The following OGFRL1 variants were observed in gnomAD, a reference collection of about 807,000 sequenced individuals.
OGFRL1 encodes opioid growth factor receptor-like protein 1.
A neutral mutation model predicts 32.4 loss-of-function variants in OGFRL1; 26 were observed. That is an observed-to-expected ratio of 0.80 (90% CI 0.59 to 1.11). The LOEUF is 1.11. Ranked by LOEUF, OGFRL1 falls within the 50% of genes most tolerant of loss-of-function variation. The pLI, the probability that OGFRL1 is intolerant of heterozygous loss-of-function variation, is 0.00. For missense variants in OGFRL1, 521 were observed against 546.4 expected (o/e 0.95, Z 0.46); for synonymous variants, 211 against 201.2 (o/e 1.05, Z -0.41).
intron 6 of OGFRL1, 107 bp from the exon 7 acceptor site, chr6:71,301,279 T>G (rs1766376169): frequency 1.0e-6 from 1 of 968,132 alleles, no homozygotes; most frequent in Non-Finnish European, 1.6e-6. Flanking sequence ...ACACAGCATA[T>G]TTCCATGGCT....
chr6:71,305,550 T>A lies in OGFRL1; in HGVS notation c.*3501T>A, dbSNP rs1188288293. ...TGGGACTACTTTTTTCCAGCTTCAA[T>A]GAGAAAATAAAATCTACAACTCAGG... On this transcript the variant is annotated 3_prime_UTR_variant, in exon 7 of 7. Coordinates refer to ENST00000370435, the MANE Select transcript of OGFRL1 (RefSeq NM_024576.5). The A allele has an allele frequency of 1.3e-5, 2 of 152,080 alleles. No homozygotes were observed. Among genetic ancestry groups the A allele is most frequent in the Admixed American group, 1.3e-4 (2 of 15,272 alleles). The allele number at this position is 152,080 out of a possible 1,614,324, so 9.4% of individuals were successfully genotyped here. A position where few individuals can be genotyped will look rare whatever the true frequency, so the allele number is the denominator to read the frequency against.
At position 71,307,928 on chromosome 6, in the gene OGFRL1, G is replaced by A. The variant is rs2149360085; in HGVS notation, c.*5879G>A. 1 of 152,332 alleles carries A rather than the reference G, an allele frequency of 6.6e-6. No individual in the cohort carries two copies. Among genetic ancestry groups the A allele is most frequent in the South Asian group, 2.1e-4 (1 of 4,834 alleles). 9.4% of individuals were successfully genotyped at this position (152,332 alleles called of 1,614,324 possible). A position where few individuals can be genotyped will look rare whatever the true frequency, so the allele number is the denominator to read the frequency against. On this transcript the variant is annotated 3_prime_UTR_variant, in exon 7 of 7. Transcript: ENST00000370435. ...GTTTGTGTAAGTGCCAGAATTATTG[G>A]AAGCAGGTGACGAATGATTAAGAAA...
In OGFRL1 at chr6:71,308,073, C is replaced by G. The variant is rs1402257789; in HGVS notation, c.*6024C>G. The G allele has an allele frequency of 2.6e-5, 4 of 152,234 alleles. No homozygotes were observed. The highest frequency in any genetic ancestry group is 4.8e-5 in the African/African-American group (2 of 41,448). The allele number at this position is 152,234 out of a possible 1,614,324, so 9.4% of individuals were successfully genotyped here. A position where few individuals can be genotyped will look rare whatever the true frequency, so the allele number is the denominator to read the frequency against. ...ATTTGAACCATGAATTCCACCTACT[C>G]TGCGTTGAAGCCCTCCAGTAGACTG... On this transcript the variant is annotated 3_prime_UTR_variant, in exon 7 of 7. Coordinates refer to ENST00000370435, the MANE Select transcript of OGFRL1 (RefSeq NM_024576.5).
intron 6 of OGFRL1, among the ~76,000 whole-genome samples, chr6:71,297,951 C>A (rs1766264937): frequency 8.4e-6 from 1 of 118,796 alleles, no homozygotes; most frequent in African/African-American, 3.0e-5. Context: ...TATCCCTCCC[C>A]CCTCCCCCCA....
At chr6:71,289,657 T>C (rs978571828) in intron 1 of OGFRL1, 1 of 981,866 alleles carries the variant, frequency 1.0e-6, no homozygotes, top group African/African-American at 1.8e-5. Flanking sequence ...CCGTCAGAAG[T>C]GTAGGCCCTC....
intron 6 of OGFRL1, among the ~76,000 whole-genome samples, chr6:71,299,685 T>A (rs1766324184): frequency 6.6e-6 from 1 of 152,310 alleles, no homozygotes; most frequent in African/African-American, 2.4e-5. Context: ...CAGTAAGTAT[T>A]TAGAGTATGC....
At chr6:71,298,511 C>A (rs1442013449) in intron 6 of OGFRL1, among the ~76,000 whole-genome samples, 1 of 151,996 alleles carries the variant, frequency 6.6e-6, no homozygotes, top group Non-Finnish European at 1.5e-5. Context: ...AGCTTAAATC[C>A]TCCTTGGAGT....
rs996339289 is a variant in OGFRL1, at chr6:71,307,263, C to T, written c.*5214C>T. 6.6e-6 allele frequency: 1 copy of T among 152,118 alleles called. No homozygotes were observed. The highest frequency in any genetic ancestry group is 2.4e-5 in the African/African-American group (1 of 41,406). The allele number at this position is 152,118 out of a possible 1,614,324, so 9.4% of individuals were successfully genotyped here. On this transcript the variant is annotated 3_prime_UTR_variant, in exon 7 of 7. Coordinates refer to ENST00000370435, the MANE Select transcript of OGFRL1 (RefSeq NM_024576.5). ...AGCCTTCTCCACTGGCATGATGGGTCCTCAGATTCTCCTCTGGATAATGAG... is the reference window on the plus strand; with the variant it reads ...AGCCTTCTCCACTGGCATGATGGGTTCTCAGATTCTCCTCTGGATAATGAG...
chr6:71,289,548 T>TTAAAAAAAA, intron 1 of OGFRL1: 1 of 539,670 alleles, frequency 1.9e-6, no homozygotes, highest in Non-Finnish European at 2.1e-6. Context: ...GTGTTATTGG[T>TTAAAAAAAA]AAAAAAAAAA....
rs1766382620 is a variant in OGFRL1, at chr6:71,301,410, C to G, written c.717C>G (p.Ile239Met). Residue 239 changes from isoleucine (I) to methionine (M), a missense_variant, in exon 7 of 7, where the codon ATC (isoleucine) becomes ATG (methionine). Transcript: ENST00000370435. ...GGTCCCAGCACAACTATTTAAGAAT[C>G]ACTCGTATTCTTAAAAGCCTTGGTG... ...LNESQHNYLRITRILKSLGEL... is the reference protein window; with the variant it reads ...LNESQHNYLRMTRILKSLGEL... 5 of 1,589,184 alleles carry G rather than the reference C, an allele frequency of 3.1e-6. No homozygotes were observed. Among genetic ancestry groups the G allele is most frequent in the Non-Finnish European group, 4.3e-6 (5 of 1,170,440 alleles).
At position 71,302,294 on chromosome 6, in the gene OGFRL1, A is replaced by T; in HGVS notation, c.*245A>T. The T allele has an allele frequency of 3.4e-6, 1 of 297,824 alleles. No homozygotes were observed. Among genetic ancestry groups the T allele is most frequent in the Non-Finnish European group, 6.1e-6 (1 of 163,090 alleles). 18.4% of individuals were successfully genotyped at this position (297,824 alleles called of 1,614,324 possible). On this transcript the variant is annotated 3_prime_UTR_variant, in exon 7 of 7. Transcript: ENST00000370435. Reference sequence around the variant, plus strand: ...AATGCTTTTAGGATGTGAATTTTCAAATTTTGTATATAATAATTACTTTGA... The same window carrying T: ...AATGCTTTTAGGATGTGAATTTTCATATTTTGTATATAATAATTACTTTGA...
At chr6:71,293,226 T>C in intron 1 of OGFRL1, 67 bp from the exon 2 acceptor site, 3 of 1,331,966 alleles carry the variant, frequency 2.3e-6, no homozygotes, top group Non-Finnish European at 2.2e-6. Flanking sequence ...CTTAAGTTTG[T>C]TCTGGAAATT....
chr6:71,299,704 T>C (rs1235910001), intron 6 of OGFRL1, among the ~76,000 whole-genome samples: 1 of 152,188 alleles, frequency 6.6e-6, no homozygotes, highest in Non-Finnish European at 1.5e-5. Flanking sequence ...GCAAACTCCA[T>C]AGGAATGTAA....
At chr6:71,300,172 T>G (rs1193789903) in intron 6 of OGFRL1, among the ~76,000 whole-genome samples, 1 of 152,152 alleles carries the variant, frequency 6.6e-6, no homozygotes, top group East Asian at 1.9e-4. Flanking sequence ...AAAACAGGCT[T>G]TAGGAAGTTA....
intron 1 of OGFRL1, chr6:71,289,381 C>T (rs529430421): frequency 1.0e-6 from 1 of 984,742 alleles, no homozygotes; most frequent in African/African-American, 1.7e-5. Flanking sequence ...CCACTGCCGG[C>T]CTGGGGCCTG....
At chr6:71,299,565 T>C (rs1415041780) in intron 6 of OGFRL1, among the ~76,000 whole-genome samples, 3 of 152,202 alleles carry the variant, frequency 2.0e-5, no homozygotes, top group African/African-American at 4.8e-5. Flanking sequence ...GCAAATATAG[T>C]AAATTTTGTT....
intron 6 of OGFRL1, among the ~76,000 whole-genome samples, chr6:71,298,617 C>T (rs1228371112): frequency 6.6e-6 from 1 of 152,116 alleles, no homozygotes; most frequent in Non-Finnish European, 1.5e-5. Flanking sequence ...GGAAGGGAGC[C>T]TGAACTAAGT....
intron 3 of OGFRL1, chr6:71,295,678 CTG>C (rs1352433529): frequency 6.6e-6 from 1 of 152,208 alleles, no homozygotes. Flanking sequence ...AATGTGCGCT[CTG>C]TGTAATATGG....
Position 71,308,045 on chromosome 6 carries a change from C to G in OGFRL1, c.*5996C>G, listed in dbSNP as rs1337481967. The G allele has an allele frequency of 6.6e-6, 1 of 152,244 alleles. No homozygotes were observed. The highest frequency in any genetic ancestry group is 2.4e-5 in the African/African-American group (1 of 41,444). 9.4% of individuals were successfully genotyped at this position (152,244 alleles called of 1,614,324 possible). A position where few individuals can be genotyped will look rare whatever the true frequency, so the allele number is the denominator to read the frequency against. ...TGTGCAAACAGATCCCATTAATACTCTGATTTGAACCATGAATTCCACCTA... is the reference window on the plus strand; with the variant it reads ...TGTGCAAACAGATCCCATTAATACTGTGATTTGAACCATGAATTCCACCTA... On this transcript the variant is annotated 3_prime_UTR_variant, in exon 7 of 7. Transcript: ENST00000370435.
Sources: gnomAD v4.1 joint callset for allele counts (sites outside exome capture counted in the v4.1 genomes callset) on GRCh38, gnomAD v4.1.1 for gene constraint, MANE v1.5 for transcripts, NCBI Gene and HGNC (gene_info 2026-07-23, HGNC 2026-07-21) for gene names.